BCAT1: variants seen among roughly 807,000 people sequenced by gnomAD.
BCAT1 encodes the protein branched-chain-amino-acid aminotransferase, cytosolic.
A neutral mutation model predicts 52.4 loss-of-function variants in BCAT1; 48 were observed. That is an observed-to-expected ratio of 0.92 (90% CI 0.73 to 1.16). The LOEUF (loss-of-function observed/expected upper bound fraction) is 1.16. Among genes scored for constraint, BCAT1 ranks in the 50% most tolerant of loss-of-function variants. The pLI, the probability that BCAT1 is intolerant of heterozygous loss-of-function variation, is 0.00. For missense variants in BCAT1, 451 were observed against 457.1 expected, an observed-to-expected ratio of 0.99 and a Z score of 0.12; for synonymous variants, 167 against 161.3, an observed-to-expected ratio of 1.04 and a Z score of -0.27.
chr12:24,919,953 C>T (rs1465941241), intron 1 of BCAT1, among the ~76,000 whole-genome samples: 1 of 152,186 alleles, frequency 6.6e-6, no homozygotes, highest in Admixed American at 6.5e-5. Flanking sequence ...TTGCCTTCTG[C>T]CATGATTGTG....
chr12:24,840,950 T>C (rs922582895), intron 7 of BCAT1, among the ~76,000 whole-genome samples: 1 of 152,218 alleles, frequency 6.6e-6, no homozygotes, highest in Non-Finnish European at 1.5e-5. Context: ...CTAAATTTGG[T>C]ATGATTATCA....
intron 1 of BCAT1, among the ~76,000 whole-genome samples, chr12:24,910,664 A>G (rs1176036767): frequency 3.3e-5 from 5 of 152,218 alleles, no homozygotes; most frequent in African/African-American, 1.2e-4. Context: ...AGTATACACA[A>G]GGGCCAAGTA....
At chr12:24,892,631 T>C (rs1054003140) in intron 3 of BCAT1, among the ~76,000 whole-genome samples, 1 of 152,126 alleles carries the variant, frequency 6.6e-6, no homozygotes, top group Non-Finnish European at 1.5e-5. Flanking sequence ...GGCAAGAGGA[T>C]TGCTTGAGCC....
chr12:24,834,696 C>G (rs754040760), intron 8 of BCAT1: 180 of 1,026,736 alleles, frequency 1.8e-4, no homozygotes, highest in Non-Finnish European at 2.0e-4. Flanking sequence ...AGAAATATGG[C>G]TCTTTGAAAG....
chr12:24,833,287 G>C (rs1014383554), intron 8 of BCAT1, among the ~76,000 whole-genome samples: 2 of 152,192 alleles, frequency 1.3e-5, no homozygotes, highest in Non-Finnish European at 2.9e-5. Flanking sequence ...GGGAGGCTGA[G>C]GCAGGCAGAT....
intron 9 of BCAT1, among the ~76,000 whole-genome samples, chr12:24,832,254 T>C (rs569642177): frequency 2.6e-5 from 4 of 152,272 alleles, no homozygotes; most frequent in Admixed American, 6.5e-5. Context: ...GTAAGACAGA[T>C]CTTACACGTG....
rs1939782351 is a variant in BCAT1, at chr12:24,813,952, T to A, written c.*4056A>T. On this transcript the variant is annotated 3_prime_UTR_variant, in exon 11 of 11. Coordinates refer to ENST00000261192, the MANE Select transcript of BCAT1 (RefSeq NM_005504.7). The stretch of plus-strand genomic sequence containing the variant: ...CTAACTTCCTAATCTCTATTGTTGG[T>A]TATGTCAACATTTATCAAATGAACT... The A allele has an allele frequency of 6.6e-6, 1 of 152,144 alleles. No homozygotes were observed. Among genetic ancestry groups the A allele is most frequent in the Non-Finnish European group, 1.5e-5 (1 of 67,992 alleles). The allele number at this position is 152,144 out of a possible 1,614,324, so 9.4% of individuals were successfully genotyped here.
chr12:24,881,130 C>G (rs549918570), intron 4 of BCAT1, among the ~76,000 whole-genome samples, 171 bp downstream of exon 4: 1 of 152,098 alleles, frequency 6.6e-6, no homozygotes, highest in Non-Finnish European at 1.5e-5. Flanking sequence ...CCACCGTGCC[C>G]GGCCATTTTC....
At position 24,852,567 on chromosome 12, in the gene BCAT1, C is replaced by T. The variant is rs189139412; in HGVS notation, c.511-2618G>A. Among the ~76,000 whole-genome samples, 307 of 152,218 alleles carry T rather than the reference C, an allele frequency of 2.0e-3. 6 individuals are homozygous for T. Among genetic ancestry groups the T allele is most frequent in the Admixed American group, 0.016 (242 of 15,292 alleles). On this transcript the variant is annotated intron_variant, in intron 5 of 10. Coordinates refer to ENST00000261192, the MANE Select transcript of BCAT1 (RefSeq NM_005504.7). The stretch of plus-strand genomic sequence containing the variant: ...AAATAAATTTCCCCTGGTTCATTTT[C>T]TTCTCCTGATTTTGACAGGTAAATT...
At chr12:24,898,074 C>T (rs763264721) in intron 2 of BCAT1, among the ~76,000 whole-genome samples, 3 of 152,052 alleles carry the variant, frequency 2.0e-5, no homozygotes, top group Admixed American at 6.6e-5. Flanking sequence ...ACATGTGACT[C>T]GTTTGGGGCA....
intron 1 of BCAT1, among the ~76,000 whole-genome samples, chr12:24,920,194 G>C (rs1381573364): frequency 6.6e-6 from 1 of 152,146 alleles, no homozygotes; most frequent in Non-Finnish European, 1.5e-5. Context: ...CTCAATCTGT[G>C]TCAGTTATAA....
chr12:24,900,532 C>G (rs1029867040), intron 2 of BCAT1, among the ~76,000 whole-genome samples: 11 of 152,090 alleles, frequency 7.2e-5, no homozygotes, highest in African/African-American at 2.7e-4. Flanking sequence ...GAAAGTGATA[C>G]CTAATTGATG....
chr12:24,887,531 A>G (rs1942716844), intron 3 of BCAT1, among the ~76,000 whole-genome samples: 1 of 152,238 alleles, frequency 6.6e-6, no homozygotes, highest in Admixed American at 6.5e-5. Context: ...GAAAGCAAAG[A>G]AAGGTTATCA....
chr12:24,824,464 T>A (rs10743521), intron 10 of BCAT1, among the ~76,000 whole-genome samples: 135,254 of 152,056 alleles, frequency 0.89, 60,397 homozygotes, highest in African/African-American at 0.97. Flanking sequence ...ACACTTGCTA[T>A]TTTTTTTGGT....
In BCAT1 at chr12:24,811,830, A is replaced by T. The variant is rs1939696144; in HGVS notation, c.*6178T>A. 1 of 152,176 alleles carries T rather than the reference A, an allele frequency of 6.6e-6. No individual in the cohort carries two copies. The highest frequency in any genetic ancestry group is 6.5e-5 in the Admixed American group (1 of 15,276). 9.4% of individuals were successfully genotyped at this position (152,176 alleles called of 1,614,324 possible). A position where few individuals can be genotyped will look rare whatever the true frequency, so the allele number is the denominator to read the frequency against. On this transcript the variant is annotated 3_prime_UTR_variant, in exon 11 of 11. Coordinates refer to ENST00000261192, the MANE Select transcript of BCAT1 (RefSeq NM_005504.7). The stretch of plus-strand genomic sequence containing the variant: ...AATTGCAATCAGATTCAGATACAAG[A>T]GAACAGGTTCTAACAATTTCATAAT...
At chr12:24,946,355 A>G (rs1875091) in intron 1 of BCAT1, among the ~76,000 whole-genome samples, 22,293 of 152,158 alleles carry the variant, frequency 0.15, 1,857 homozygotes, top group East Asian at 0.25. Flanking sequence ...AATTTATATA[A>G]GTAGAGAGTA....
intron 10 of BCAT1, among the ~76,000 whole-genome samples, chr12:24,824,288 CTCCCTCCCTCCCTCCT>C (rs1231392675): frequency 4.4e-5 from 3 of 68,414 alleles, no homozygotes; most frequent in Non-Finnish European, 1.0e-4. Context: ...CCCTCCCTCC[CTCCCTCCCTCCCTCCT>C]TCCTTTCGAG....
In BCAT1 at chr12:24,894,454, G is replaced by C. The variant is rs1412599613; in HGVS notation, c.100C>G (p.Pro34Ala). Residue 34 changes from proline (P) to alanine (A), a missense_variant, in exon 3 of 11, where the codon CCA becomes GCA. Coordinates refer to ENST00000261192, the MANE Select transcript of BCAT1 (RefSeq NM_005504.7). ...GGTTTTTCCTTTAAAATGGTAGCTG[G>C]TGTGACTATTAGGTCTTTAGCCTGG... ...TFKAKDLIVT[P>A]ATILKEKPDP... is the part of the protein sequence containing the mutation. 1.9e-6 allele frequency: 3 copies of C among 1,595,778 alleles called. No homozygotes were observed. Among genetic ancestry groups the C allele is most frequent in the Non-Finnish European group, 1.7e-6 (2 of 1,170,226 alleles).
chr12:24,946,635 G>A (rs2139772419), intron 1 of BCAT1, among the ~76,000 whole-genome samples: 1 of 152,316 alleles, frequency 6.6e-6, no homozygotes, highest in East Asian at 1.9e-4. Context: ...GCGTACGGGG[G>A]GACGTGACTG....
Sources: allele counts gnomAD v4.1 joint callset (sites outside exome capture counted in the v4.1 genomes callset), GRCh38; gene constraint gnomAD v4.1.1; transcripts MANE v1.5; gene names NCBI Gene and HGNC (gene_info 2026-07-23, HGNC 2026-07-21).